Variants in WDR5B observed in about 807,000 individuals in gnomAD.
WDR5B encodes WD repeat-containing protein 5B.
In WDR5B, 17 loss-of-function variants were observed where a neutral mutation model predicts 24.0. That is an observed-to-expected ratio of 0.71 (90% CI 0.49 to 1.06). The LOEUF (loss-of-function observed/expected upper bound fraction) is 1.06, where lower values mean the gene tolerates loss of function less well. WDR5B is among the 50% of genes least tolerant of loss of function. The probability of loss-of-function intolerance (pLI) is 0.00; values close to 1 mark genes in which losing one functional copy is unlikely to be tolerated. For missense variants in WDR5B, 368 were observed against 384.1 expected, an observed-to-expected ratio of 0.96 and a Z score of 0.35; for synonymous variants, 150 against 146.4, an observed-to-expected ratio of 1.02 and a Z score of -0.18.
At position 122,414,820 on chromosome 3, in the gene WDR5B, A is replaced by G. The variant is rs1156453889; in HGVS notation, c.709T>C (p.Trp237Arg). 7 of 1,614,034 alleles carry G rather than the reference A, an allele frequency of 4.3e-6. No individual in the cohort carries two copies. Among genetic ancestry groups the G allele is most frequent in the East Asian group, 2.2e-5 (1 of 44,896 alleles). ...AGGCACCTGCCTCTGCTATAATCCC[A>G]TAGTTTAAGAGTGTTGTCCAAAGTT... ...TATLDNTLKL[W>R]DYSRGRCLKT... Residue 237 changes from tryptophan to arginine, a missense_variant, in exon 1 of 1, where the codon TGG (tryptophan) becomes CGG (arginine). Transcript: ENST00000330689.
chr3:122,414,396 T>C lies in WDR5B; in HGVS notation c.*140A>G. ...ATGTGCTTTTTCAACTATCTCATTT[T>C]GTAAATGTAGTGTATGAATCTCAAA... On this transcript the variant is annotated 3_prime_UTR_variant, in exon 1 of 1. Coordinates refer to ENST00000330689, the MANE Select transcript of WDR5B (RefSeq NM_019069.4). 9.6e-7 allele frequency: 1 copy of C among 1,039,560 alleles called. No individual in the cohort carries two copies. Among genetic ancestry groups the C allele is most frequent in the South Asian group, 1.8e-5 (1 of 56,006 alleles). The allele number at this position is 1,039,560 out of a possible 1,614,324, so 64.4% of individuals were successfully genotyped here. A position where few individuals can be genotyped will look rare whatever the true frequency, so the allele number is the denominator to read the frequency against.
chr3:122,415,478 T>C lies in WDR5B; in HGVS notation c.51A>G (p.Ser17=), dbSNP rs374275102. 3.7e-6 allele frequency: 6 copies of C among 1,614,030 alleles called. No homozygotes were observed. The African/African-American group carries it at 8.0e-5, about 22-fold the overall frequency. The change falls in exon 1 of 1, where the codon TCA becomes TCG. Residue 17 remains serine (S), a synonymous_variant. Transcript: ENST00000330689. ...GCACTTCCTTGCTCTGATTGGCCGA[T>C]GAGGAGAGGGCCAACTGTGCTTTGG... The part of the protein sequence containing the change: ...RDAKAQLALS[S]SANQSKEVPE...
In WDR5B at chr3:122,415,411, G is replaced by A; in HGVS notation, c.118C>T (p.His40Tyr). Residue 40 changes from histidine to tyrosine, a missense_variant, in exon 1 of 1, where the codon CAC (histidine) becomes TAC (tyrosine). Transcript: ENST00000330689. ...NYALKCTLVG[H>Y]TEAVSSVKFS... Reference sequence around the variant, plus strand: ...TTAACTGATGACACTGCTTCCGTGTGTCCCACAAGAGTACATTTGAGAGCA... The same window carrying A: ...TTAACTGATGACACTGCTTCCGTGTATCCCACAAGAGTACATTTGAGAGCA... 6.2e-7 allele frequency: 1 copy of A among 1,614,226 alleles called. No homozygotes were observed. The highest frequency in any genetic ancestry group is 8.5e-7 in the Non-Finnish European group (1 of 1,180,046).
At position 122,414,842 on chromosome 3, in the gene WDR5B, A is replaced by G. The variant is rs1411942117; in HGVS notation, c.687T>C (p.Thr229=). The change falls in exon 1 of 1, where the codon ACT becomes ACC. Residue 229 remains threonine, a synonymous_variant. Coordinates refer to ENST00000330689, the MANE Select transcript of WDR5B (RefSeq NM_019069.4). ...SPNGKYILTA[T]LDNTLKLWDY... ...CCCATAGTTTAAGAGTGTTGTCCAA[A>G]GTTGCAGTGAGAATGTATTTACCAT... The G allele has an allele frequency of 1.9e-6, 3 of 1,614,036 alleles. No homozygotes were observed. The highest frequency in any genetic ancestry group is 2.7e-5 in the African/African-American group (2 of 74,920).
chr3:122,415,284 T>C lies in WDR5B; in HGVS notation c.245A>G (p.His82Arg), dbSNP rs2075728795. The change falls in exon 1 of 1, where the codon CAT becomes CGT. Residue 82 changes from histidine (H) to arginine (R), a missense_variant. His to Arg is a conservative substitution (Grantham distance 29). Transcript: ENST00000330689. Reference sequence around the variant, plus strand: ...GGCAACATCCGATATTTCCAAATTATGACCATAGAGTGTTTTCTCATATTT... The same window carrying C: ...GGCAACATCCGATATTTCCAAATTACGACCATAGAGTGTTTTCTCATATTT... ...DGKYEKTLYGHNLEISDVAWS... is the reference protein window; with the variant it reads ...DGKYEKTLYGRNLEISDVAWS... The C allele has an allele frequency of 1.4e-5, 23 of 1,614,266 alleles. No homozygotes were observed. Among genetic ancestry groups the C allele is most frequent in the Non-Finnish European group, 1.9e-5 (23 of 1,180,044 alleles).
chr3:122,414,387 ATC>A lies in WDR5B; in HGVS notation c.*147_*148del. 1 of 980,304 alleles carries A rather than the reference ATC, an allele frequency of 1.0e-6. No homozygotes were observed. The highest frequency in any genetic ancestry group is 1.4e-6 in the Non-Finnish European group (1 of 691,098). 60.7% of individuals were successfully genotyped at this position (980,304 alleles called of 1,614,324 possible). A position where few individuals can be genotyped will look rare whatever the true frequency, so the allele number is the denominator to read the frequency against. Reference sequence around the variant, plus strand: ...GAATTCTAGATGTGCTTTTTCAACTATCTCATTTTGTAAATGTAGTGTATGAA... The same window carrying A: ...GAATTCTAGATGTGCTTTTTCAACTATCATTTTGTAAATGTAGTGTATGAA... On this transcript the variant is annotated 3_prime_UTR_variant, in exon 1 of 1. Coordinates refer to ENST00000330689, the MANE Select transcript of WDR5B (RefSeq NM_019069.4).
In WDR5B at chr3:122,414,696, A is replaced by G; in HGVS notation, c.833T>C (p.Leu278Pro). Residue 278 changes from leucine to proline, a missense_variant, in exon 1 of 1, where the codon CTG (leucine) becomes CCG (proline). Transcript: ENST00000330689. Reference protein sequence around the residue: ...KWIVSGSEDNLVYIWNLQTKE... With the variant: ...KWIVSGSEDNPVYIWNLQTKE... ...AGTCTGAAGGTTCCAAATGTAAACCAGGTTATCCTCGGAACCAGACACAAT... is the reference window on the plus strand; with the variant it reads ...AGTCTGAAGGTTCCAAATGTAAACCGGGTTATCCTCGGAACCAGACACAAT... 1.2e-6 allele frequency: 2 copies of G among 1,614,224 alleles called. No individual in the cohort carries two copies. Among genetic ancestry groups the G allele is most frequent in the Non-Finnish European group, 1.7e-6 (2 of 1,180,040 alleles).
At position 122,413,975 on chromosome 3, in the gene WDR5B, GCATACACACACACA is replaced by G. The variant is rs2075718107; in HGVS notation, c.*547_*560del. On this transcript the variant is annotated 3_prime_UTR_variant, in exon 1 of 1. Transcript: ENST00000330689. Reference sequence around the variant, plus strand: ...TATATACATACACATACACATATATGCATACACACACACACATACACACCACAGAATACTACTCA... The same window carrying G: ...TATATACATACACATACACATATATGCATACACACCACAGAATACTACTCA... 6.4e-6 allele frequency: 1 copy of G among 155,350 alleles called. No homozygotes were observed. The highest frequency in any genetic ancestry group is 2.4e-5 in the African/African-American group (1 of 41,270). 9.6% of individuals were successfully genotyped at this position (155,350 alleles called of 1,614,324 possible). A position where few individuals can be genotyped will look rare whatever the true frequency, so the allele number is the denominator to read the frequency against.
Position 122,415,137 on chromosome 3 carries a change from C to T in WDR5B, c.392G>A (p.Cys131Tyr), listed in dbSNP as rs1356104851. The T allele has an allele frequency of 1.9e-6, 3 of 1,614,074 alleles. No individual in the cohort carries two copies. Among genetic ancestry groups the T allele is most frequent in the African/African-American group, 2.7e-5 (2 of 74,930 alleles). The change falls in exon 1 of 1, where the codon TGT (cysteine) becomes TAT (tyrosine). Residue 131 changes from cysteine (C) to tyrosine (Y), a missense_variant. Cys to Tyr is a radical substitution (Grantham distance 194). Transcript: ENST00000330689. Reference sequence around the variant, plus strand: ...AAGGTTGGATGGCGGATTGAAGTTACAACAAAAGACATAATTACTGTGCCC... The same window carrying T: ...AAGGTTGGATGGCGGATTGAAGTTATAACAAAAGACATAATTACTGTGCCC... ...LKGHSNYVFC[C>Y]NFNPPSNLII...
At position 122,415,819 on chromosome 3, in the gene WDR5B, T is replaced by C. The variant is rs763230685; in HGVS notation, c.-291A>G. ...AAATGTTCGGCATTCCGTTAATACA[T>C]AAAGCCTTCAAAGCAGGGGCGACGC... is the stretch of plus-strand genomic sequence containing the variant. On this transcript the variant is annotated 5_prime_UTR_variant, in exon 1 of 1. An upstream start codon of the reference 5' UTR is lost. Coordinates refer to ENST00000330689, the MANE Select transcript of WDR5B (RefSeq NM_019069.4). The C allele has an allele frequency of 3.4e-5, 12 of 348,744 alleles. No homozygotes were observed. The highest frequency in any genetic ancestry group is 8.4e-4 in the Middle Eastern group (1 of 1,186). The allele number at this position is 348,744 out of a possible 1,614,324, so 21.6% of individuals were successfully genotyped here.
In WDR5B at chr3:122,414,005, ATAC is replaced by A. The variant is rs1560004920; in HGVS notation, c.*528_*530del. On this transcript the variant is annotated 3_prime_UTR_variant, in exon 1 of 1. Transcript: ENST00000330689. The stretch of plus-strand genomic sequence containing the variant: ...CACACACACACATACACACCACAGA[ATAC>A]TACTCAGCCAAAAAAAAATAATGAA... The A allele has an allele frequency of 1.2e-5, 2 of 161,164 alleles. No homozygotes were observed. Among genetic ancestry groups the A allele is most frequent in the East Asian group, 1.8e-4 (1 of 5,520 alleles). The allele number at this position is 161,164 out of a possible 1,614,324, so 10.0% of individuals were successfully genotyped here. A position where few individuals can be genotyped will look rare whatever the true frequency, so the allele number is the denominator to read the frequency against.
chr3:122,412,134 C>G lies in WDR5B; in HGVS notation c.*2402G>C, dbSNP rs936423213. The G allele has an allele frequency of 6.6e-6, 1 of 152,166 alleles. No homozygotes were observed. Among genetic ancestry groups the G allele is most frequent in the Non-Finnish European group, 1.5e-5 (1 of 68,038 alleles). 9.4% of individuals were successfully genotyped at this position (152,166 alleles called of 1,614,324 possible). A position where few individuals can be genotyped will look rare whatever the true frequency, so the allele number is the denominator to read the frequency against. On this transcript the variant is annotated 3_prime_UTR_variant, in exon 1 of 1. Transcript: ENST00000330689. ...AGCAAACGAAACTGAATGAGCACTA[C>G]TATAAGGTACCACAAACTACAAAAG...
rs1385613173 is a variant in WDR5B at position 122,414,783 on chromosome 3, G to C, written c.746C>G (p.Thr249Ser). ...YSRGRCLKTY[T>S]GHKNEKYCIF... Reference sequence around the variant, plus strand: ...GCAATATTTCTCATTCTTATGACCAGTGTATGTTTTCAGGCACCTGCCTCT... The same window carrying C: ...GCAATATTTCTCATTCTTATGACCACTGTATGTTTTCAGGCACCTGCCTCT... The change falls in exon 1 of 1, where the codon ACT becomes AGT. Residue 249 changes from threonine (T) to serine (S), a missense_variant. Thr to Ser is a moderately conservative substitution (Grantham distance 58, BLOSUM62 1). Transcript: ENST00000330689. 2 of 1,614,070 alleles carry C rather than the reference G, an allele frequency of 1.2e-6. No homozygotes were observed. The highest frequency in any genetic ancestry group is 1.7e-6 in the Non-Finnish European group (2 of 1,180,052).
Position 122,415,168 on chromosome 3 carries a change from G to C in WDR5B, c.361C>G (p.Leu121Val). The change falls in exon 1 of 1, where the codon CTG becomes GTG. Residue 121 changes from leucine to valine, a missense_variant. Physicochemically the swap from Leu to Val is conservative, Grantham distance 32. Transcript: ENST00000330689. ...AAGACATAATTACTGTGCCCCTTCA[G>C]TGTTTTCAAACATTTTCCAGATCTC... ...DVRSGKCLKTLKGHSNYVFCC... is the reference protein window; with the variant it reads ...DVRSGKCLKTVKGHSNYVFCC... 3 of 1,614,100 alleles carry C rather than the reference G, an allele frequency of 1.9e-6. No homozygotes were observed. The highest frequency in any genetic ancestry group is 2.5e-6 in the Non-Finnish European group (3 of 1,180,046).
Position 122,416,027 on chromosome 3 carries a change from G to A in WDR5B, c.-499C>T, listed in dbSNP as rs1394173622. 1 of 168,146 alleles carries A rather than the reference G, an allele frequency of 5.9e-6. No homozygotes were observed. The highest frequency in any genetic ancestry group is 1.9e-4 in the East Asian group (1 of 5,202). 10.4% of individuals were successfully genotyped at this position (168,146 alleles called of 1,614,324 possible). On this transcript the variant is annotated 5_prime_UTR_variant, in exon 1 of 1. Transcript: ENST00000330689. ...CCACCGAAACTGGAAACTCTGGCCT[G>A]TCGGCTACTTTTGCTCGTACCAGCA...
chr3:122,415,525 C>A lies in WDR5B; in HGVS notation c.4G>T (p.Ala2Ser). The A allele has an allele frequency of 6.2e-7, 1 of 1,608,388 alleles. No homozygotes were observed. The highest frequency in any genetic ancestry group is 1.1e-5 in the South Asian group (1 of 90,302). The change falls in exon 1 of 1, where the codon GCA (alanine) becomes TCA (serine). Residue 2 changes from alanine to serine, a missense_variant. Physicochemically the swap from Ala to Ser is moderately conservative, Grantham distance 99 (BLOSUM62 1). Transcript: ENST00000330689. M[A>S]TKESRDAKAQ... ...TTGGCGTCTCTTGACTCCTTGGTTGCCATGGCTCTGAAGCTCCAAGTTAGC... is the reference window on the plus strand; with the variant it reads ...TTGGCGTCTCTTGACTCCTTGGTTGACATGGCTCTGAAGCTCCAAGTTAGC...
Position 122,415,163 on chromosome 3 carries a change from C to T in WDR5B, c.366G>A (p.Lys122=). The T allele has an allele frequency of 6.2e-7, 1 of 1,614,166 alleles. No homozygotes were observed. The change falls in exon 1 of 1, where the codon AAG becomes AAA. Residue 122 remains lysine, a synonymous_variant. Transcript: ENST00000330689. ...VRSGKCLKTL[K]GHSNYVFCCN... is the part of the protein sequence containing the mutation. ...AACAAAAGACATAATTACTGTGCCC[C>T]TTCAGTGTTTTCAAACATTTTCCAG...
Position 122,414,448 on chromosome 3 carries a change from ACCAAACTG to A in WDR5B, c.*80_*87del. 6.8e-7 allele frequency: 1 copy of A among 1,465,960 alleles called. No homozygotes were observed. The highest frequency in any genetic ancestry group is 9.1e-7 in the Non-Finnish European group (1 of 1,102,436). 90.8% of individuals were successfully genotyped at this position (1,465,960 alleles called of 1,614,324 possible). On this transcript the variant is annotated 3_prime_UTR_variant, in exon 1 of 1. Transcript: ENST00000330689. ...TTTAACAATAGACAATTTTTAAAAT[ACCAAACTG>A]CCAAAATTAAAAGAAACCGTCTTTT...
rs148302787 is a variant in WDR5B, at chr3:122,414,405, A to G, written c.*131T>C. The G allele has an allele frequency of 7.0e-4, 743 of 1,066,944 alleles. 5 individuals are homozygous for G. The African/African-American group carries it at 0.011, about 16-fold the overall frequency. The allele number at this position is 1,066,944 out of a possible 1,614,324, so 66.1% of individuals were successfully genotyped here. A position where few individuals can be genotyped will look rare whatever the true frequency, so the allele number is the denominator to read the frequency against. On this transcript the variant is annotated 3_prime_UTR_variant, in exon 1 of 1. Coordinates refer to ENST00000330689, the MANE Select transcript of WDR5B (RefSeq NM_019069.4). ...TTCAACTATCTCATTTTGTAAATGT[A>G]GTGTATGAATCTCAAAATTTAACAA... is the stretch of plus-strand genomic sequence containing the variant.
Sources: allele counts gnomAD v4.1 joint callset, GRCh38; gene constraint gnomAD v4.1.1; transcripts MANE v1.5; gene names NCBI Gene and HGNC (gene_info 2026-07-23, HGNC 2026-07-21).